Variants in THSD7B observed in about 807,000 individuals in gnomAD.
The protein encoded by THSD7B is thrombospondin type-1 domain-containing protein 7B.
THSD7B carries 138 observed loss-of-function variants against 213.6 expected under a neutral mutation model. The ratio of observed to expected loss-of-function variants is 0.65; its 90% confidence interval spans 0.56 to 0.74. The LOEUF (loss-of-function observed/expected upper bound fraction) is 0.74. THSD7B is among the 30% of genes least tolerant of loss of function. The probability of loss-of-function intolerance (pLI) is 0.00; values close to 1 mark genes in which losing one functional copy is unlikely to be tolerated. For missense variants in THSD7B, 1,931 were observed against 1,991.5 expected (o/e 0.97, Z 0.58); for synonymous variants, 742 against 687.0 (o/e 1.08, Z -1.25).
intron 12 of THSD7B, among the ~76,000 whole-genome samples, chr2:137,349,788 C>T (rs533466870): frequency 1.3e-5 from 2 of 151,578 alleles, no homozygotes; most frequent in South Asian, 2.1e-4. Context: ...ATGATCAGTC[C>T]GTGACAATGA....
chr2:137,599,503 T>C (rs1019980345), intron 17 of THSD7B, among the ~76,000 whole-genome samples: 1 of 151,470 alleles, frequency 6.6e-6, no homozygotes, highest in African/African-American at 2.4e-5. Context: ...CTGGAGAGGA[T>C]GTGGAGAAAT....
At chr2:136,916,423 T>A (rs1454420685) in intron 2 of THSD7B, among the ~76,000 whole-genome samples, 1 of 152,196 alleles carries the variant, frequency 6.6e-6, no homozygotes, top group Non-Finnish European at 1.5e-5. Flanking sequence ...TAGTGTGCAT[T>A]CACTCATTTC....
At chr2:137,306,773 C>T (rs561214099) in intron 12 of THSD7B, among the ~76,000 whole-genome samples, 90 of 151,826 alleles carry the variant, frequency 5.9e-4, no homozygotes, top group African/African-American at 2.2e-3. Context: ...AAAGTGTTTT[C>T]ATTTTTTGCC....
intron 3 of THSD7B, among the ~76,000 whole-genome samples, chr2:137,074,149 T>G (rs1430184257): frequency 6.6e-6 from 1 of 151,176 alleles, no homozygotes; most frequent in African/African-American, 2.5e-5. Flanking sequence ...TTGTTAACTT[T>G]CTGTCTCGTT....
chr2:137,540,882 G>A (rs184552049), intron 15 of THSD7B, among the ~76,000 whole-genome samples: 189 of 151,794 alleles, frequency 1.2e-3, no homozygotes, highest in Middle Eastern at 3.4e-3. Flanking sequence ...AATTAAAAGA[G>A]CATGCAAGTA....
intron 2 of THSD7B, among the ~76,000 whole-genome samples, chr2:137,022,391 A>G (rs1169032606): frequency 6.6e-6 from 1 of 152,180 alleles, no homozygotes; most frequent in Non-Finnish European, 1.5e-5. Context: ...ATAGACGAAT[A>G]ATGTGCATCT....
chr2:137,084,916 T>C (rs1438845141), intron 3 of THSD7B, among the ~76,000 whole-genome samples: 1 of 152,178 alleles, frequency 6.6e-6, no homozygotes, highest in Non-Finnish European at 1.5e-5. Flanking sequence ...TGTAAGAAAC[T>C]AAAGACAAAT....
At position 137,323,780 on chromosome 2, in the gene THSD7B, A is replaced by G. The variant is rs76183133; in HGVS notation, c.2500+47754A>G. Among the ~76,000 whole-genome samples, 786 of 152,310 alleles carry G rather than the reference A, an allele frequency of 5.2e-3. 5 individuals are homozygous for G. Among genetic ancestry groups the G allele is most frequent in the African/African-American group, 0.018 (735 of 41,564 alleles). ...TGAACTGGTAATTTTGAAAGATATT[A>G]ATTCCATAAATTTTACAGATGAATA... On this transcript the variant is annotated intron_variant, in intron 12 of 27. Transcript: ENST00000409968.
At chr2:137,398,728 C>T (rs1207930399) in intron 12 of THSD7B, among the ~76,000 whole-genome samples, 1 of 152,212 alleles carries the variant, frequency 6.6e-6, no homozygotes, top group African/African-American at 2.4e-5. Flanking sequence ...TTTACCTAAT[C>T]AAGCCTGGGC....
chr2:136,870,427 G>A (rs757485405), intron 1 of THSD7B, among the ~76,000 whole-genome samples: 1 of 152,164 alleles, frequency 6.6e-6, no homozygotes, highest in East Asian at 1.9e-4. Flanking sequence ...ACTAGGAACT[G>A]GACATATAAC....
At chr2:136,804,798 T>C (rs1682254833) in intron 1 of THSD7B, among the ~76,000 whole-genome samples, 1 of 152,194 alleles carries the variant, frequency 6.6e-6, no homozygotes, top group African/African-American at 2.4e-5. Flanking sequence ...GCTTAATTAT[T>C]AAGGATGAGG....
intron 2 of THSD7B, among the ~76,000 whole-genome samples, chr2:136,963,114 A>C (rs1485494613): frequency 6.6e-6 from 1 of 152,206 alleles, no homozygotes; most frequent in Non-Finnish European, 1.5e-5. Context: ...ACAATGTAAC[A>C]AGGCCAAATG....
intron 14 of THSD7B, among the ~76,000 whole-genome samples, chr2:137,429,418 G>A (rs1175637250): frequency 6.6e-6 from 1 of 152,200 alleles, no homozygotes; most frequent in African/African-American, 2.4e-5. Context: ...GAACATATCT[G>A]TGTATGTATA....
intron 12 of THSD7B, among the ~76,000 whole-genome samples, chr2:137,330,887 C>T (rs1158004876): frequency 1.3e-5 from 2 of 152,136 alleles, no homozygotes; most frequent in African/African-American, 4.8e-5. Context: ...GCCGAGTGGT[C>T]TGTTTTGACA....
At chr2:137,183,149 T>A (rs1221758266) in intron 7 of THSD7B, among the ~76,000 whole-genome samples, 1 of 152,162 alleles carries the variant, frequency 6.6e-6, no homozygotes, top group African/African-American at 2.4e-5. Flanking sequence ...GGATGCTATT[T>A]TGTAAAATTT....
At position 137,404,474 on chromosome 2, in the gene THSD7B, T is replaced by TACAC. The variant is rs1207612144; in HGVS notation, c.2501-1109_2501-1106dup. Among the ~76,000 whole-genome samples the TACAC allele has an allele frequency of 2.9e-3, 117 of 40,246 alleles. 2 individuals are homozygous for TACAC. The highest frequency in any genetic ancestry group is 0.012 in the African/African-American group (87 of 7,500). 26.4% of individuals were successfully genotyped at this position (40,246 alleles called of 152,430 possible). On this transcript the variant is annotated intron_variant, in intron 12 of 27. Transcript: ENST00000409968. ...ATATATATATATATATATATATATA[T>TACAC]ACACACACACACACACACACACACA...
chr2:137,266,573 A>C (rs916885365), intron 10 of THSD7B, among the ~76,000 whole-genome samples: 1 of 152,222 alleles, frequency 6.6e-6, no homozygotes, highest in African/African-American at 2.4e-5. Context: ...GCTGTGAAGC[A>C]TAATAGACCA....
chr2:136,990,804 T>G, intron 2 of THSD7B: 2 of 1,051,188 alleles, frequency 1.9e-6, no homozygotes, highest in Non-Finnish European at 2.6e-6. Context: ...CACGCCACAG[T>G]GCCTGGCCGA....
At chr2:136,767,467 G>GTGTGTGTGTGTGTGTT (rs1460750948) in intron 1 of THSD7B, among the ~76,000 whole-genome samples, 1 of 151,652 alleles carries the variant, frequency 6.6e-6, no homozygotes, top group Non-Finnish European at 1.5e-5. Flanking sequence ...GTGTGTGTGT[G>GTGTGTGTGTGTGTGTT]TGTGTGTGTG....
Sources: allele counts gnomAD v4.1 joint callset (sites outside exome capture counted in the v4.1 genomes callset), GRCh38; gene constraint gnomAD v4.1.1; transcripts MANE v1.5; gene names NCBI Gene and HGNC (gene_info 2026-07-23, HGNC 2026-07-21).